The following DIP2B variants were observed in gnomAD, a reference collection of about 807,000 sequenced individuals.
DIP2B encodes the protein DIP2 acetate--CoA ligase B (putative), also known as disco-interacting protein 2 homolog B.
A neutral mutation model predicts 198.0 loss-of-function variants in DIP2B; 76 were observed. The ratio of observed to expected loss-of-function variants is 0.38; its 90% CI spans 0.32 to 0.46. DIP2B has a LOEUF of 0.46. Ranked by LOEUF, DIP2B falls within the 20% of genes least tolerant of loss-of-function variation. DIP2B has a pLI of 0.99. For missense variants in DIP2B, 1,559 were observed against 1,978.4 expected, an observed-to-expected ratio of 0.79 and a Z score of 4.02; for synonymous variants, 701 against 739.1, an observed-to-expected ratio of 0.95 and a Z score of 0.84.
Position 50,695,971 on chromosome 12 carries a change from A to G in DIP2B, c.1933+4A>G. On this transcript the variant is annotated splice_donor_region_variant and intron_variant, in intron 16 of 37. Transcript: ENST00000301180. ...GTGACTGATGGAGCTAACCCCTGTG[A>G]GTATTTCTTCATTGTGGATCTGGGA... 1 of 1,613,930 alleles carries G rather than the reference A, an allele frequency of 6.2e-7. No individual in the cohort carries two copies. Among genetic ancestry groups the G allele is most frequent in the Non-Finnish European group, 8.5e-7 (1 of 1,179,884 alleles).
intron 23 of DIP2B, among the ~76,000 whole-genome samples, chr12:50,717,725 A>G (rs1215981447): frequency 5.3e-5 from 8 of 151,320 alleles, no homozygotes. Context: ...AGTAGCCTGG[A>G]CTAAAGATGT....
chr12:50,597,067 C>A (rs10876067), intron 1 of DIP2B, among the ~76,000 whole-genome samples: 35,228 of 151,964 alleles, frequency 0.23, 4,275 homozygotes, highest in East Asian at 0.39. Flanking sequence ...TTTGTGAATT[C>A]TATGGCCTTT....
chr12:50,608,111 A>G (rs760768509), intron 1 of DIP2B, among the ~76,000 whole-genome samples: 3 of 152,164 alleles, frequency 2.0e-5, no homozygotes, highest in Non-Finnish European at 2.9e-5. Context: ...CTTATTTTCA[A>G]ATAAGCTGTA....
rs971410818 is a variant in DIP2B, at chr12:50,734,944, G to T, written c.4044-129G>T. ...CCAAAATGTTAGTAGTGCTGAGTTT[G>T]AGAAACCCCTCTGTAGTATGAGGAA... On this transcript the variant is annotated intron_variant, in intron 33 of 37. Transcript: ENST00000301180. The T allele has an allele frequency of 3.4e-5, 39 of 1,157,634 alleles. No individual in the cohort carries two copies. The Admixed American group carries it at 8.1e-4, about 24-fold the overall frequency. 71.7% of individuals were successfully genotyped at this position (1,157,634 alleles called of 1,614,324 possible). A position where few individuals can be genotyped will look rare whatever the true frequency, so the allele number is the denominator to read the frequency against.
rs141833071 is a variant in DIP2B at position 50,571,638 on chromosome 12, C to T, written c.101-54338C>T. Among the ~76,000 whole-genome samples the T allele has an allele frequency of 1.6e-3, 237 of 150,756 alleles. 2 individuals are homozygous for T. Among genetic ancestry groups the T allele is most frequent in the African/African-American group, 4.8e-3 (197 of 40,872 alleles). ...CGTGATCTTGGCTCACTGCACCCTC[C>T]GCCTCCTGGGTTCAAGTGATTCTTC... is the stretch of plus-strand genomic sequence containing the variant. On this transcript the variant is annotated intron_variant, in intron 1 of 37. Coordinates refer to ENST00000301180, the MANE Select transcript of DIP2B (RefSeq NM_173602.3).
intron 18 of DIP2B, 55 bp from the exon 19 acceptor site, chr12:50,699,011 T>A: frequency 6.3e-7 from 1 of 1,593,792 alleles, no homozygotes; most frequent in Non-Finnish European, 8.5e-7. Context: ...AAGCTGTTAT[T>A]TTACAAAAGT....
intron 1 of DIP2B, among the ~76,000 whole-genome samples, chr12:50,608,311 G>T (rs777040474): frequency 6.6e-6 from 1 of 152,056 alleles, no homozygotes; most frequent in Non-Finnish European, 1.5e-5. Context: ...GAAAACTTAC[G>T]TGGAAACAGC....
chr12:50,535,640 G>A (rs1958257606), intron 1 of DIP2B, among the ~76,000 whole-genome samples: 1 of 151,526 alleles, frequency 6.6e-6, no homozygotes, highest in African/African-American at 2.4e-5. Context: ...CAAAGTGCTC[G>A]GATTACAGAT....
At chr12:50,580,510 G>T (rs1958715266) in intron 1 of DIP2B, among the ~76,000 whole-genome samples, 1 of 141,848 alleles carries the variant, frequency 7.0e-6, no homozygotes, top group South Asian at 2.4e-4. Context: ...TTTTACTCCA[G>T]TCTACTTTAT....
intron 1 of DIP2B, among the ~76,000 whole-genome samples, chr12:50,613,058 C>T (rs764846341): frequency 9.8e-5 from 15 of 152,294 alleles, no homozygotes; most frequent in African/African-American, 1.4e-4. Flanking sequence ...AATATCTTTA[C>T]GCAAACCCTC....
intron 1 of DIP2B, among the ~76,000 whole-genome samples, chr12:50,527,428 CTTAT>C (rs1357931486): frequency 6.6e-6 from 1 of 152,212 alleles, no homozygotes; most frequent in Non-Finnish European, 1.5e-5. Context: ...TAACAAAAAT[CTTAT>C]TTACTTATTA....
At chr12:50,641,896 G>A (rs1205137516) in intron 3 of DIP2B, among the ~76,000 whole-genome samples, 1 of 152,080 alleles carries the variant, frequency 6.6e-6, no homozygotes, top group Non-Finnish European at 1.5e-5. Context: ...AAGACTAATG[G>A]GGATATTATT....
At chr12:50,575,290 C>A (rs1347024777) in intron 1 of DIP2B, among the ~76,000 whole-genome samples, 1 of 152,150 alleles carries the variant, frequency 6.6e-6, no homozygotes, top group Non-Finnish European at 1.5e-5. Context: ...AACTCAGAAA[C>A]CCTTGCCTTT....
At chr12:50,690,766 A>G (rs947067973) in intron 12 of DIP2B, among the ~76,000 whole-genome samples, 2 of 152,124 alleles carry the variant, frequency 1.3e-5, no homozygotes, top group East Asian at 1.9e-4. Context: ...TATAGCTCCA[A>G]TCACTTGTTT....
At chr12:50,696,368 C>T (rs2139555224) in intron 16 of DIP2B, among the ~76,000 whole-genome samples, 1 of 152,364 alleles carries the variant, frequency 6.6e-6, no homozygotes, top group East Asian at 1.9e-4. Flanking sequence ...TCTGTCAGTA[C>T]TTCTGCATTC....
chr12:50,641,770 A>G (rs924471243), intron 3 of DIP2B, among the ~76,000 whole-genome samples: 2 of 152,020 alleles, frequency 1.3e-5, no homozygotes, highest in Non-Finnish European at 2.9e-5. Flanking sequence ...CGACTGGTAG[A>G]TCCCTAGAGC....
At chr12:50,663,724 G>A (rs1379720162) in intron 4 of DIP2B, among the ~76,000 whole-genome samples, 5 of 151,442 alleles carry the variant, frequency 3.3e-5, no homozygotes, top group African/African-American at 1.2e-4. Flanking sequence ...TAAAAAGTTA[G>A]CTGACTGTGG....
At chr12:50,565,198 T>C (rs917132332) in intron 1 of DIP2B, among the ~76,000 whole-genome samples, 5 of 152,102 alleles carry the variant, frequency 3.3e-5, no homozygotes, top group Admixed American at 2.0e-4. Flanking sequence ...GATCTCGTCA[T>C]GTTGGTCAGG....
In DIP2B at chr12:50,505,255, G is replaced by C; in HGVS notation, c.100+15G>C. The C allele has an allele frequency of 6.7e-7, 1 of 1,487,288 alleles. No individual in the cohort carries two copies. The highest frequency in any genetic ancestry group is 8.9e-7 in the Non-Finnish European group (1 of 1,126,328). The allele number at this position is 1,487,288 out of a possible 1,614,324, so 92.1% of individuals were successfully genotyped here. A position where few individuals can be genotyped will look rare whatever the true frequency, so the allele number is the denominator to read the frequency against. Reference sequence around the variant, plus strand: ...GCTCTCGGAGGGTAGGAGCCGGGCCGGGGAGAGGGCGCCCGGGGCCCTGCG... The same window carrying C: ...GCTCTCGGAGGGTAGGAGCCGGGCCCGGGAGAGGGCGCCCGGGGCCCTGCG... On this transcript the variant is annotated intron_variant, in intron 1 of 37. Coordinates refer to ENST00000301180, the MANE Select transcript of DIP2B (RefSeq NM_173602.3).
Sources: allele counts gnomAD v4.1 joint callset (sites outside exome capture counted in the v4.1 genomes callset), GRCh38; gene constraint gnomAD v4.1.1; transcripts MANE v1.5; gene names NCBI Gene and HGNC (gene_info 2026-07-23, HGNC 2026-07-21).